The following FGF14 variants were observed in gnomAD, a reference collection of about 807,000 sequenced individuals.
The protein encoded by FGF14 is fibroblast growth factor homologous factor 4.
In FGF14, 5 loss-of-function variants were observed where a neutral mutation model predicts 25.5. The ratio of observed to expected loss-of-function variants is 0.20; its 90% CI spans 0.10 to 0.41. The LOEUF (loss-of-function observed/expected upper bound fraction) is 0.41, where lower values mean the gene tolerates loss of function less well. Ranked by LOEUF, FGF14 falls within the 10% of genes least tolerant of loss-of-function variation. The pLI, the probability that FGF14 is intolerant of heterozygous loss-of-function variation, is 1.00. For synonymous variants in FGF14, 138 were observed against 118.3 expected (o/e 1.17, Z -1.08); for missense variants, 222 against 320.1 (o/e 0.69, Z 2.34).
chr13:102,356,890 G>A (rs1266192828), intron 1 of FGF14, among the ~76,000 whole-genome samples: 1 of 149,292 alleles, frequency 6.7e-6, no homozygotes, highest in Non-Finnish European at 1.5e-5. Context: ...AAAAAAAAAT[G>A]CCAGAACATG....
chr13:102,250,966 C>T (rs1362370805), intron 1 of FGF14, among the ~76,000 whole-genome samples: 1 of 152,154 alleles, frequency 6.6e-6, no homozygotes, highest in Non-Finnish European at 1.5e-5. Context: ...AGAAATTAAG[C>T]ATCTTACATA....
chr13:102,315,646 G>C (rs1015894224), intron 1 of FGF14, among the ~76,000 whole-genome samples: 1 of 152,120 alleles, frequency 6.6e-6, no homozygotes, highest in Admixed American at 6.6e-5. Flanking sequence ...TCTTGAAATA[G>C]TTGAGGATCC....
intron 1 of FGF14, among the ~76,000 whole-genome samples, chr13:102,126,816 T>C (rs769853332): frequency 2.6e-5 from 4 of 152,210 alleles, no homozygotes; most frequent in Admixed American, 2.0e-4. Flanking sequence ...ATTAGCCACA[T>C]TCTACCAAGA....
At chr13:102,231,556 T>C (rs754935645) in intron 1 of FGF14, among the ~76,000 whole-genome samples, 3 of 152,210 alleles carry the variant, frequency 2.0e-5, no homozygotes, top group Non-Finnish European at 4.4e-5. Context: ...ATATACTAAT[T>C]ATGCTATTTT....
chr13:101,735,370 C>A (rs1175698630), intron 3 of FGF14, among the ~76,000 whole-genome samples: 1 of 151,892 alleles, frequency 6.6e-6, no homozygotes, highest in Non-Finnish European at 1.5e-5. Context: ...TACCTCTATA[C>A]CTACAGATAA....
At chr13:102,054,773 C>T (rs990757843) in intron 1 of FGF14, among the ~76,000 whole-genome samples, 1 of 152,204 alleles carries the variant, frequency 6.6e-6, no homozygotes, top group African/African-American at 2.4e-5. Context: ...CCTCCCACCA[C>T]AGAGCAAGGT....
chr13:102,209,178 C>G (rs2050061589), intron 1 of FGF14, among the ~76,000 whole-genome samples: 1 of 152,212 alleles, frequency 6.6e-6, no homozygotes, highest in Non-Finnish European at 1.5e-5. Flanking sequence ...TGAGCTGACC[C>G]TTCAGCTTTG....
intron 1 of FGF14, among the ~76,000 whole-genome samples, chr13:101,976,088 A>G (rs1566521510): frequency 6.6e-6 from 1 of 151,106 alleles, no homozygotes; most frequent in Non-Finnish European, 1.5e-5. Flanking sequence ...CTGCTTTAGA[A>G]AGCAGAGAGT....
At chr13:102,039,529 C>A (rs941328858) in intron 1 of FGF14, among the ~76,000 whole-genome samples, 2 of 152,126 alleles carry the variant, frequency 1.3e-5, no homozygotes, top group African/African-American at 4.8e-5. Context: ...TGACAGCAAT[C>A]CTGGTGTTCT....
At chr13:101,895,944 G>C (rs966476989) in intron 1 of FGF14, among the ~76,000 whole-genome samples, 1 of 152,114 alleles carries the variant, frequency 6.6e-6, no homozygotes, top group Non-Finnish European at 1.5e-5. Context: ...TTGGAATCTT[G>C]TATTCTACTT....
chr13:102,074,020 C>T (rs1236555327), intron 1 of FGF14, among the ~76,000 whole-genome samples: 1 of 152,124 alleles, frequency 6.6e-6, no homozygotes, highest in African/African-American at 2.4e-5. Flanking sequence ...GCTATCTTGT[C>T]TTTTTGAGAC....
At chr13:102,009,003 T>C (rs1409365844) in intron 1 of FGF14, among the ~76,000 whole-genome samples, 1 of 152,162 alleles carries the variant, frequency 6.6e-6, no homozygotes, top group Non-Finnish European at 1.5e-5. Flanking sequence ...CTTGAATATT[T>C]GTTGGTTATG....
intron 1 of FGF14, among the ~76,000 whole-genome samples, chr13:102,096,522 C>T (rs1035431190): frequency 5.3e-5 from 8 of 151,898 alleles, no homozygotes; most frequent in Non-Finnish European, 8.8e-5. Flanking sequence ...ACTTAATATG[C>T]GCTATGATGA....
chr13:102,166,198 G>A (rs2048000605), intron 1 of FGF14, among the ~76,000 whole-genome samples: 1 of 146,092 alleles, frequency 6.8e-6, no homozygotes, highest in African/African-American at 2.7e-5. Context: ...AAAAAGAAAA[G>A]AAAAAAGAAA....
intron 1 of FGF14, among the ~76,000 whole-genome samples, chr13:102,207,200 A>T (rs2049964886): frequency 1.3e-5 from 2 of 152,006 alleles, no homozygotes; most frequent in Non-Finnish European, 2.9e-5. Flanking sequence ...AAATCGCTTG[A>T]ACCCAGGAGG....
chr13:102,384,986 T>C (rs1235511142), intron 1 of FGF14, among the ~76,000 whole-genome samples: 1 of 152,218 alleles, frequency 6.6e-6, no homozygotes, highest in Non-Finnish European at 1.5e-5. Flanking sequence ...GAAAGAGTCA[T>C]AGCAGTCCTT....
At chr13:102,013,545 T>C (rs145872387) in intron 1 of FGF14, among the ~76,000 whole-genome samples, 1 of 152,158 alleles carries the variant, frequency 6.6e-6, no homozygotes, top group Non-Finnish European at 1.5e-5. Flanking sequence ...CACTGAAACA[T>C]GAATTTATAA....
At chr13:102,397,014 G>T (rs2058601533) in intron 1 of FGF14, among the ~76,000 whole-genome samples, 1 of 152,166 alleles carries the variant, frequency 6.6e-6, no homozygotes, top group Admixed American at 6.5e-5. Context: ...TTCCAGACGT[G>T]CAGTCTGAAT....
chr13:102,378,625 AT>A (rs2058099516), intron 1 of FGF14, among the ~76,000 whole-genome samples: 1 of 137,566 alleles, frequency 7.3e-6, no homozygotes, highest in African/African-American at 2.6e-5. Flanking sequence ...CTATCTATCT[AT>A]CTATCTATAT....
Sources: allele counts gnomAD v4.1 joint callset (sites outside exome capture counted in the v4.1 genomes callset), GRCh38; gene constraint gnomAD v4.1.1; transcripts MANE v1.5; gene names NCBI Gene and HGNC (gene_info 2026-07-23, HGNC 2026-07-21).